Variants in ARHGEF38 observed in about 807,000 individuals in gnomAD.
ARHGEF38 encodes the protein Rho guanine nucleotide exchange factor 38.
ARHGEF38 carries 79 observed loss-of-function variants against 79.9 expected under a neutral mutation model. The observed-to-expected ratio is 0.99, with a 90% CI of 0.82 to 1.19. The LOEUF (loss-of-function observed/expected upper bound fraction) is 1.19. ARHGEF38 is among the 50% of genes most tolerant of loss of function. ARHGEF38 has a pLI of 0.00. For missense variants in ARHGEF38, 962 were observed against 907.2 expected (o/e 1.06, Z -0.78); for synonymous variants, 366 against 328.3 (o/e 1.11, Z -1.24).
intron 4 of ARHGEF38, chr4:105,631,529 A>G (rs889851881): frequency 5.1e-6 from 5 of 985,512 alleles, no homozygotes; most frequent in South Asian, 4.7e-5. Flanking sequence ...TAGTTTCAGA[A>G]CAATTACTCA....
chr4:105,651,021 C>T (rs1181455613), intron 7 of ARHGEF38, among the ~76,000 whole-genome samples: 1 of 152,158 alleles, frequency 6.6e-6, no homozygotes, highest in Admixed American at 6.5e-5. Context: ...ACAATTCCCC[C>T]CCCAAGTCTT....
intron 1 of ARHGEF38, among the ~76,000 whole-genome samples, chr4:105,579,465 CT>C (rs1321110110): frequency 6.6e-6 from 1 of 152,090 alleles, no homozygotes; most frequent in Non-Finnish European, 1.5e-5. Context: ...TATCAAAAGC[CT>C]TTTCTGCATC....
Position 105,679,225 on chromosome 4 carries a change from G to T in ARHGEF38, c.*1288G>T. The T allele has an allele frequency of 3.0e-6, 2 of 663,376 alleles. No individual in the cohort carries two copies. Among genetic ancestry groups the T allele is most frequent in the East Asian group, 2.6e-5 (1 of 38,318 alleles). The allele number at this position is 663,376 out of a possible 1,614,324, so 41.1% of individuals were successfully genotyped here. On this transcript the variant is annotated 3_prime_UTR_variant, in exon 14 of 14. Transcript: ENST00000420470. ...GCCACTCCTCTGTCTGGAATTAAAA[G>T]ATGTTTCCATCATAATATTCTTTAA... is the stretch of plus-strand genomic sequence containing the variant.
At chr4:105,615,499 C>A (rs1274358499) in intron 3 of ARHGEF38, among the ~76,000 whole-genome samples, 1 of 152,160 alleles carries the variant, frequency 6.6e-6, no homozygotes, top group Non-Finnish European at 1.5e-5. Flanking sequence ...GTTGTTGATT[C>A]ATGTGCTGAA....
chr4:105,600,652 C>A (rs1042542719), intron 2 of ARHGEF38, among the ~76,000 whole-genome samples: 1 of 152,196 alleles, frequency 6.6e-6, no homozygotes, highest in Non-Finnish European at 1.5e-5. Context: ...CTGAAGTCCT[C>A]CTTTGTTTCT....
At position 105,592,376 on chromosome 4, in the gene ARHGEF38, C is replaced by T. The variant is rs76664404; in HGVS notation, c.384+2941C>T. Reference sequence around the variant, plus strand: ...ATTTCAAGCTTACTATTCTCTGATGCCCAAGCCTACTCCCACTGGTACGAT... The same window carrying T: ...ATTTCAAGCTTACTATTCTCTGATGTCCAAGCCTACTCCCACTGGTACGAT... On this transcript the variant is annotated intron_variant, in intron 2 of 13. Transcript: ENST00000420470. 9.5e-3 allele frequency among the ~76,000 whole-genome samples: 1,447 copies of T among 152,152 alleles called. 9 individuals carry two copies. The highest frequency in any genetic ancestry group is 0.017 in the Non-Finnish European group (1,177 of 67,998).
chr4:105,647,511 A>G (rs965535595), intron 6 of ARHGEF38, among the ~76,000 whole-genome samples: 11 of 152,146 alleles, frequency 7.2e-5, no homozygotes, highest in Admixed American at 7.2e-4. Context: ...TTGCTGTTAG[A>G]AAAAAAATAC....
intron 7 of ARHGEF38, among the ~76,000 whole-genome samples, chr4:105,653,742 G>A (rs774463450): frequency 6.6e-6 from 1 of 152,304 alleles, no homozygotes; most frequent in African/African-American, 2.4e-5. Flanking sequence ...ATGTAATATG[G>A]TTTGCGTACA....
intron 6 of ARHGEF38, among the ~76,000 whole-genome samples, chr4:105,646,774 T>A (rs1049460975): frequency 6.6e-6 from 1 of 151,120 alleles, no homozygotes; most frequent in African/African-American, 2.4e-5. Flanking sequence ...AGATAAAAAT[T>A]AACTAAATAA....
intron 3 of ARHGEF38, among the ~76,000 whole-genome samples, chr4:105,621,933 C>T (rs377725197): frequency 9.9e-5 from 15 of 152,000 alleles, no homozygotes; most frequent in East Asian, 1.9e-4. Flanking sequence ...GAAAGCTGTC[C>T]GCTTTGGAGA....
chr4:105,656,952 A>T (rs1316930701), intron 9 of ARHGEF38, among the ~76,000 whole-genome samples: 2 of 152,152 alleles, frequency 1.3e-5, no homozygotes, highest in Non-Finnish European at 1.5e-5. Context: ...ATGATAGAGA[A>T]ACAGGTCAAC....
At chr4:105,667,050 A>T (rs1730776434) in intron 11 of ARHGEF38, 79 bp from the exon 12 acceptor site, 7 of 1,237,018 alleles carry the variant, frequency 5.7e-6, no homozygotes, top group Admixed American at 2.7e-5. Context: ...AAAAATCTCC[A>T]GGGAAAAAAT....
At chr4:105,668,311 A>G (rs1730831169) in intron 13 of ARHGEF38, among the ~76,000 whole-genome samples, 1 of 151,968 alleles carries the variant, frequency 6.6e-6, no homozygotes, top group East Asian at 1.9e-4. Flanking sequence ...CCTCCCAAGT[A>G]GCTGGGACTA....
intron 3 of ARHGEF38, among the ~76,000 whole-genome samples, chr4:105,617,303 T>G (rs1188745356): frequency 1.3e-5 from 2 of 152,138 alleles, no homozygotes; most frequent in African/African-American, 2.4e-5. Context: ...ATGATTTTAT[T>G]AAAATAAAAA....
At chr4:105,648,259 G>A (rs1329943726) in intron 6 of ARHGEF38, among the ~76,000 whole-genome samples, 2 of 151,948 alleles carry the variant, frequency 1.3e-5, no homozygotes, top group Non-Finnish European at 2.9e-5. Context: ...TATTATCTGA[G>A]ACGAGAGGGA....
intron 13 of ARHGEF38, 124 bp downstream of exon 13, chr4:105,667,827 C>T: frequency 8.9e-7 from 1 of 1,129,716 alleles, no homozygotes; most frequent in Non-Finnish European, 1.2e-6. Flanking sequence ...AGACCTGGCT[C>T]TATTAGCACA....
At chr4:105,607,189 A>G (rs1483818882) in intron 2 of ARHGEF38, among the ~76,000 whole-genome samples, 1 of 152,130 alleles carries the variant, frequency 6.6e-6, no homozygotes, top group Non-Finnish European at 1.5e-5. Context: ...TTCTGTCAGC[A>G]AATTAGCCAG....
chr4:105,645,799 A>G (rs28403045), intron 6 of ARHGEF38, among the ~76,000 whole-genome samples: 7 of 152,298 alleles, frequency 4.6e-5, no homozygotes, highest in East Asian at 3.9e-4. Flanking sequence ...GACAGAGGCC[A>G]TCTAGTCTTT....
chr4:105,644,542 T>C (rs1159305786), intron 5 of ARHGEF38, among the ~76,000 whole-genome samples: 1 of 152,224 alleles, frequency 6.6e-6, no homozygotes, highest in African/African-American at 2.4e-5. Flanking sequence ...AGTCTCACTT[T>C]TGTGTAGTCA....
Sources: allele counts gnomAD v4.1 joint callset (sites outside exome capture counted in the v4.1 genomes callset), GRCh38; gene constraint gnomAD v4.1.1; transcripts MANE v1.5; gene names NCBI Gene and HGNC (gene_info 2026-07-23, HGNC 2026-07-21).